Variants in GABRA4 observed in about 807,000 individuals in gnomAD.
GABRA4 encodes the protein gamma-aminobutyric acid receptor subunit alpha-4.
Under a neutral mutation model 49.7 loss-of-function variants are expected in GABRA4, and 12 were observed. The ratio of observed to expected loss-of-function variants is 0.24; its 90% CI spans 0.15 to 0.39. The LOEUF is 0.39. GABRA4 is among the 10% of genes least tolerant of loss of function. GABRA4 has a pLI of 1.00. For synonymous variants in GABRA4, 288 were observed against 240.2 expected (o/e 1.20, Z -1.84); for missense variants, 506 against 686.0 (o/e 0.74, Z 2.93).
chr4:46,947,284 A>C (rs1323357559), intron 8 of GABRA4, among the ~76,000 whole-genome samples: 1 of 152,020 alleles, frequency 6.6e-6, no homozygotes, highest in Non-Finnish European at 1.5e-5. Flanking sequence ...CCCCTAAGGC[A>C]CTTGATCACA....
At chr4:46,932,765 C>G (rs138811132) in intron 8 of GABRA4, among the ~76,000 whole-genome samples, 2 of 152,208 alleles carry the variant, frequency 1.3e-5, no homozygotes, top group African/African-American at 4.8e-5. Context: ...TCTTATTTTA[C>G]TTTTCCTTTT....
chr4:46,944,659 T>C (rs1240564965), intron 8 of GABRA4, among the ~76,000 whole-genome samples: 3 of 152,108 alleles, frequency 2.0e-5, no homozygotes, highest in Non-Finnish European at 4.4e-5. Context: ...CTCTCCTTCA[T>C]CTTCTTTACC....
intron 8 of GABRA4, among the ~76,000 whole-genome samples, chr4:46,942,617 T>C (rs1305942236): frequency 6.8e-6 from 1 of 147,560 alleles, no homozygotes. Context: ...AGAGTGAGAC[T>C]CTGTCTCAGA....
intron 2 of GABRA4, among the ~76,000 whole-genome samples, chr4:46,991,639 A>T (rs11731576): frequency 0.11 from 16,122 of 152,162 alleles, 934 homozygotes; most frequent in South Asian, 0.19. Flanking sequence ...TACCATCCCC[A>T]TCTGCACGGC....
intron 7 of GABRA4, among the ~76,000 whole-genome samples, chr4:46,967,692 C>T (rs186489096): frequency 5.7e-4 from 87 of 151,698 alleles, no homozygotes; most frequent in Non-Finnish European, 9.7e-4. Flanking sequence ...ATGGCTTAGC[C>T]GGCATCTACC....
intron 8 of GABRA4, among the ~76,000 whole-genome samples, chr4:46,961,178 A>C (rs1364954207): frequency 6.6e-6 from 1 of 151,870 alleles, no homozygotes; most frequent in African/African-American, 2.4e-5. Flanking sequence ...ACTTAGTGGA[A>C]AGATATTAAT....
At chr4:46,961,109 A>AT (rs1722558216) in intron 8 of GABRA4, among the ~76,000 whole-genome samples, 3 of 151,908 alleles carry the variant, frequency 2.0e-5, no homozygotes, top group African/African-American at 7.2e-5. Context: ...CATTCTGATG[A>AT]TTTTCAAAAT....
Position 46,928,048 on chromosome 4 carries a change from T to C in GABRA4, c.*177A>G, listed in dbSNP as rs994767790. 2 of 550,544 alleles carry C rather than the reference T, an allele frequency of 3.6e-6. No individual in the cohort carries two copies. Among genetic ancestry groups the C allele is most frequent in the African/African-American group, 3.9e-5 (2 of 51,826 alleles). 34.1% of individuals were successfully genotyped at this position (550,544 alleles called of 1,614,324 possible). A position where few individuals can be genotyped will look rare whatever the true frequency, so the allele number is the denominator to read the frequency against. ...AAAATAATTTTTCTGAAAAAAAACATAGTTCACTTTTTCACTCAGGAATTA... is the reference window on the plus strand; with the variant it reads ...AAAATAATTTTTCTGAAAAAAAACACAGTTCACTTTTTCACTCAGGAATTA... On this transcript the variant is annotated 3_prime_UTR_variant, in exon 9 of 9. Coordinates refer to ENST00000264318, the MANE Select transcript of GABRA4 (RefSeq NM_000809.4).
intron 5 of GABRA4, among the ~76,000 whole-genome samples, chr4:46,976,085 G>T (rs1456882104): frequency 1.3e-5 from 2 of 151,790 alleles, no homozygotes; most frequent in African/African-American, 4.8e-5. Context: ...TGATTGAATT[G>T]AAAATGTGAG....
At chr4:46,948,025 T>C (rs1406234898) in intron 8 of GABRA4, among the ~76,000 whole-genome samples, 1 of 152,082 alleles carries the variant, frequency 6.6e-6, no homozygotes, top group Non-Finnish European at 1.5e-5. Flanking sequence ...ATATTGGAAA[T>C]AGCAGCACCA....
Position 46,924,635 on chromosome 4 carries a change from TATCTAA to T in GABRA4, c.*3584_*3589del, listed in dbSNP as rs1311772234. On this transcript the variant is annotated 3_prime_UTR_variant, in exon 9 of 9. Coordinates refer to ENST00000264318, the MANE Select transcript of GABRA4 (RefSeq NM_000809.4). ...GTCTTCCCTGGGGAAGAATATACTT[TATCTAA>T]ATGGAGAGATGTTATATATATTTTT... The T allele has an allele frequency of 6.6e-6, 1 of 152,048 alleles. No homozygotes were observed. The highest frequency in any genetic ancestry group is 1.5e-5 in the Non-Finnish European group (1 of 67,956). 9.4% of individuals were successfully genotyped at this position (152,048 alleles called of 1,614,324 possible). A position where few individuals can be genotyped will look rare whatever the true frequency, so the allele number is the denominator to read the frequency against.
rs1158117064 is a variant in GABRA4, at chr4:46,923,069, A to G, written c.*5156T>C. ...AATGCCTGATGATCTGAGATGGAACAATTTCATCTGAAAACCATTCCCCCA... is the reference window on the plus strand; with the variant it reads ...AATGCCTGATGATCTGAGATGGAACGATTTCATCTGAAAACCATTCCCCCA... On this transcript the variant is annotated 3_prime_UTR_variant, in exon 9 of 9. Transcript: ENST00000264318. 3 of 152,146 alleles carry G rather than the reference A, an allele frequency of 2.0e-5. No homozygotes were observed. The highest frequency in any genetic ancestry group is 7.2e-5 in the African/African-American group (3 of 41,426). The allele number at this position is 152,146 out of a possible 1,614,324, so 9.4% of individuals were successfully genotyped here. A position where few individuals can be genotyped will look rare whatever the true frequency, so the allele number is the denominator to read the frequency against.
At chr4:46,935,637 G>C (rs1721579242) in intron 8 of GABRA4, among the ~76,000 whole-genome samples, 1 of 152,018 alleles carries the variant, frequency 6.6e-6, no homozygotes. Flanking sequence ...CACGGACACA[G>C]GGAGGGGAAC....
chr4:46,993,299 A>G (rs1241126621), intron 1 of GABRA4, 40 bp downstream of exon 1: 1 of 1,563,462 alleles, frequency 6.4e-7, no homozygotes, highest in African/African-American at 1.4e-5. Flanking sequence ...CCATTTCTCC[A>G]CTTTCCGTTG....
chr4:46,923,263 A>T lies in GABRA4; in HGVS notation c.*4962T>A, dbSNP rs951196296. ...GGGATAAAAAGCTCTGACTCTCTAAATCTCTTGCTTTAAAGAAGCACCATC... is the reference window on the plus strand; with the variant it reads ...GGGATAAAAAGCTCTGACTCTCTAATTCTCTTGCTTTAAAGAAGCACCATC... On this transcript the variant is annotated 3_prime_UTR_variant, in exon 9 of 9. Coordinates refer to ENST00000264318, the MANE Select transcript of GABRA4 (RefSeq NM_000809.4). 3.3e-5 allele frequency: 5 copies of T among 152,104 alleles called. No individual in the cohort carries two copies. Among genetic ancestry groups the T allele is most frequent in the African/African-American group, 1.2e-4 (5 of 41,438 alleles). The allele number at this position is 152,104 out of a possible 1,614,324, so 9.4% of individuals were successfully genotyped here. A position where few individuals can be genotyped will look rare whatever the true frequency, so the allele number is the denominator to read the frequency against.
intron 4 of GABRA4, 103 bp downstream of exon 4, chr4:46,977,307 A>AGGGAGGGAGGAC (rs2109393241): frequency 4.8e-6 from 2 of 419,086 alleles, no homozygotes; most frequent in Non-Finnish European, 8.6e-6. Flanking sequence ...GGAGGGAGGA[A>AGGGAGGGAGGAC]GGGAGGGAGG....
At chr4:46,991,318 T>C (rs560295501) in intron 2 of GABRA4, among the ~76,000 whole-genome samples, 5 of 152,362 alleles carry the variant, frequency 3.3e-5, no homozygotes, top group South Asian at 2.1e-4. Context: ...TGATGTACTA[T>C]GTGCCCTTAT....
chr4:46,960,561 A>G (rs1722540481), intron 8 of GABRA4, among the ~76,000 whole-genome samples: 2 of 151,740 alleles, frequency 1.3e-5, no homozygotes, highest in South Asian at 4.1e-4. Context: ...CATATGCAAT[A>G]CTAATAAAAA....
At position 46,925,068 on chromosome 4, in the gene GABRA4, G is replaced by A. The variant is rs1015132453; in HGVS notation, c.*3157C>T. On this transcript the variant is annotated 3_prime_UTR_variant, in exon 9 of 9. Transcript: ENST00000264318. ...TTTCTAGGCCAGGAAGTATTGGCCA[G>A]CTCATGGGTAAAATAAGCCACAAAT... The A allele has an allele frequency of 4.6e-5, 7 of 152,088 alleles. No homozygotes were observed. The highest frequency in any genetic ancestry group is 2.0e-4 in the Admixed American group (3 of 15,258). The allele number at this position is 152,088 out of a possible 1,614,324, so 9.4% of individuals were successfully genotyped here. A position where few individuals can be genotyped will look rare whatever the true frequency, so the allele number is the denominator to read the frequency against.
Sources: gnomAD v4.1 joint callset for allele counts (sites outside exome capture counted in the v4.1 genomes callset) on GRCh38, gnomAD v4.1.1 for gene constraint, MANE v1.5 for transcripts, NCBI Gene and HGNC (gene_info 2026-07-23, HGNC 2026-07-21) for gene names.